MPPED2: variants seen among roughly 807,000 people sequenced by gnomAD.
MPPED2 encodes metallophosphoesterase MPPED2.
Under a neutral mutation model 33.0 loss-of-function variants are expected in MPPED2, and 5 were observed. That is an observed-to-expected ratio of 0.15 (90% CI 0.08 to 0.32). The LOEUF (loss-of-function observed/expected upper bound fraction) is 0.32. MPPED2 is among the 10% of genes least tolerant of loss of function. The pLI is 1.00. For missense variants in MPPED2, 275 were observed against 372.1 expected (o/e 0.74, Z 2.15); for synonymous variants, 136 against 141.9 (o/e 0.96, Z 0.29).
Position 30,567,498 on chromosome 11 carries a change from T to G in MPPED2, c.128+12748A>C, listed in dbSNP as rs138194288. On this transcript the variant is annotated intron_variant, in intron 2 of 6. Coordinates refer to ENST00000358117, the MANE Select transcript of MPPED2 (RefSeq NM_001584.3). ...CCCGAGAGCAATCAGGGGGTGCTTT[T>G]TTTCCAGCTCCCAATCTCCTCCCTC... Among the ~76,000 whole-genome samples the G allele has an allele frequency of 2.0e-3, 298 of 152,250 alleles. 6 individuals are homozygous for G. The East Asian group carries it at 0.035, about 18-fold the overall frequency.
chr11:30,586,548 G>A (rs1007184833), upstream of MPPED2, among the ~76,000 whole-genome samples: 1 of 152,118 alleles, frequency 6.6e-6, no homozygotes, highest in East Asian at 1.9e-4. The surrounding 1 kb of genome is among the most constrained non-coding windows in gnomAD (Gnocchi z 4.8). Context: ...GGCGAGGCCC[G>A]GTAGCCTGCT....
At chr11:30,462,124 T>C (rs1379947097) in intron 4 of MPPED2, among the ~76,000 whole-genome samples, 2 of 152,306 alleles carry the variant, frequency 1.3e-5, no homozygotes, top group African/African-American at 2.4e-5. Flanking sequence ...TGCCCTACTT[T>C]TGGGCACATT....
rs553595009 is a variant in MPPED2, at chr11:30,586,118, G to A, written c.-198C>T. The A allele has an allele frequency of 3.5e-3, 539 of 152,484 alleles. 1 individual carries two copies. The highest frequency in any genetic ancestry group is 6.8e-3 in the Middle Eastern group (2 of 296). 9.4% of individuals were successfully genotyped at this position (152,484 alleles called of 1,614,324 possible). On this transcript the variant is annotated 5_prime_UTR_variant, in exon 1 of 7. Transcript: ENST00000358117. This position sits in a 1 kb window ranked among gnomAD's most constrained non-coding sequence, Gnocchi z 4.8. ...CAGGCGATCCATAGCCGAGCGGCCCGAGCCGGCTGGAGGAGCGCTGGGGGC... is the reference window on the plus strand; with the variant it reads ...CAGGCGATCCATAGCCGAGCGGCCCAAGCCGGCTGGAGGAGCGCTGGGGGC...
At chr11:30,391,893 G>C (rs1285192598) in intron 6 of MPPED2, among the ~76,000 whole-genome samples, 1 of 152,164 alleles carries the variant, frequency 6.6e-6, no homozygotes, top group African/African-American at 2.4e-5. Flanking sequence ...GCATTTTCTA[G>C]TCACACCAAC....
At chr11:30,524,428 C>A (rs2134399170) in intron 3 of MPPED2, among the ~76,000 whole-genome samples, 1 of 152,252 alleles carries the variant, frequency 6.6e-6, no homozygotes, top group South Asian at 2.1e-4. Flanking sequence ...GACTCCATTC[C>A]ATCTGTTCAT....
intron 2 of MPPED2, among the ~76,000 whole-genome samples, chr11:30,552,296 C>T (rs764897728): frequency 3.9e-5 from 6 of 152,296 alleles, no homozygotes; most frequent in Non-Finnish European, 5.9e-5. Flanking sequence ...GATCCACAAA[C>T]GGGAGTTTCC....
chr11:30,392,804 C>T (rs1274284990), intron 6 of MPPED2, among the ~76,000 whole-genome samples: 2 of 152,206 alleles, frequency 1.3e-5, no homozygotes, highest in Non-Finnish European at 2.9e-5. Flanking sequence ...ACTCAAGGAG[C>T]AGTCACTGAA....
chr11:30,536,303 C>A, intron 2 of MPPED2, 128 bp from the exon 3 acceptor site: 1 of 762,032 alleles, frequency 1.3e-6, no homozygotes, highest in Non-Finnish European at 1.9e-6. Context: ...CAGAAGGGCC[C>A]ACTGTAATTA....
intron 2 of MPPED2, among the ~76,000 whole-genome samples, chr11:30,539,672 G>A (rs548629): frequency 0.14 from 21,092 of 152,146 alleles, 2,549 homozygotes; most frequent in African/African-American, 0.32. Flanking sequence ...CCAGGCTGGA[G>A]TGCAGTGGTA....
chr11:30,560,493 T>G (rs1956192750), intron 2 of MPPED2, among the ~76,000 whole-genome samples: 1 of 152,096 alleles, frequency 6.6e-6, no homozygotes, highest in African/African-American at 2.4e-5. Flanking sequence ...AAACTCCCAT[T>G]TACCCCCTAC....
chr11:30,531,078 C>T (rs2134446353), intron 3 of MPPED2, among the ~76,000 whole-genome samples: 1 of 152,252 alleles, frequency 6.6e-6, no homozygotes, highest in African/African-American at 2.4e-5. Context: ...TATTAGGTGG[C>T]AGGGTCCCAG....
intron 3 of MPPED2, among the ~76,000 whole-genome samples, chr11:30,516,355 A>G (rs1953533577): frequency 6.6e-6 from 1 of 152,162 alleles, no homozygotes; most frequent in Admixed American, 6.5e-5. Flanking sequence ...TCTTGTTCTT[A>G]AAGGGTACTT....
At chr11:30,452,016 C>G in intron 4 of MPPED2, 2 of 985,434 alleles carry the variant, frequency 2.0e-6, no homozygotes, top group Non-Finnish European at 2.4e-6. Context: ...CATTTCCTGC[C>G]TCTTCTCATT....
Position 30,536,180 on chromosome 11 carries a change from AG to A in MPPED2, c.129-6del, listed in dbSNP as rs1177571410. ...TCATATGGGATGGGGTCGACCCTAA[AG>A]TAGACATAACAGATCCCATAACAGT... On this transcript the variant is annotated splice_polypyrimidine_tract_variant and splice_region_variant and intron_variant, in intron 2 of 6. Transcript: ENST00000358117. 3 of 1,588,572 alleles carry A rather than the reference AG, an allele frequency of 1.9e-6. No individual in the cohort carries two copies. Among genetic ancestry groups the A allele is most frequent in the Non-Finnish European group, 2.6e-6 (3 of 1,169,372 alleles).
At chr11:30,450,916 T>C (rs1056128060) in intron 4 of MPPED2, among the ~76,000 whole-genome samples, 3 of 152,174 alleles carry the variant, frequency 2.0e-5, no homozygotes, top group African/African-American at 7.2e-5. Flanking sequence ...CTGAACCCGA[T>C]CTCATAGGCT....
rs189549785 is a variant in MPPED2, at chr11:30,474,159, G to C, written c.536+21137C>G. 1.9e-3 allele frequency among the ~76,000 whole-genome samples: 284 copies of C among 152,314 alleles called. 1 individual carries two copies. The highest frequency in any genetic ancestry group is 0.017 in the Middle Eastern group (5 of 294). On this transcript the variant is annotated intron_variant, in intron 4 of 6. Transcript: ENST00000358117. ...CACTGTCAGATTGCTGGGCTTAATG[G>C]AAGTTTAAGAAGGCATTTACCATTC...
chr11:30,433,434 C>T (rs1048189297), intron 4 of MPPED2, among the ~76,000 whole-genome samples: 1 of 152,124 alleles, frequency 6.6e-6, no homozygotes, highest in Non-Finnish European at 1.5e-5. Context: ...AAACATTACA[C>T]ACAGCATCTC....
rs186572732 is a variant in MPPED2 at position 30,507,390 on chromosome 11, T to C, written c.311-11869A>G. 2.9e-4 allele frequency among the ~76,000 whole-genome samples: 44 copies of C among 152,320 alleles called. No individual in the cohort carries two copies. In the East Asian group the frequency reaches 7.5e-3, roughly 26 times the overall value. On this transcript the variant is annotated intron_variant, in intron 3 of 6. Coordinates refer to ENST00000358117, the MANE Select transcript of MPPED2 (RefSeq NM_001584.3). ...CAGAATATCCTGAAATTTAGAGAAG[T>C]GCCTACGAAAGGGGATATTACCTTG...
At chr11:30,468,346 A>T (rs766656324) in intron 4 of MPPED2, among the ~76,000 whole-genome samples, 28 of 152,068 alleles carry the variant, frequency 1.8e-4, no homozygotes, top group Non-Finnish European at 3.8e-4. Flanking sequence ...ACCACCTAAG[A>T]TTGTGTCACA....
Sources: gnomAD v4.1 joint callset for allele counts (sites outside exome capture counted in the v4.1 genomes callset) on GRCh38, gnomAD v4.1.1 for gene constraint, Gnocchi (gnomAD v3.1) non-coding constraint, MANE v1.5 for transcripts, NCBI Gene and HGNC (gene_info 2026-07-23, HGNC 2026-07-21) for gene names.